The following FGD3 variants were observed in gnomAD, a reference collection of about 807,000 sequenced individuals.
FGD3 encodes the protein FYVE, RhoGEF and PH domain containing 3, also known as FYVE, RhoGEF and PH domain-containing protein 3.
FGD3 carries 45 observed loss-of-function variants against 71.8 expected under a neutral mutation model. The ratio of observed to expected loss-of-function variants is 0.63; its 90% confidence interval spans 0.49 to 0.80. The LOEUF (loss-of-function observed/expected upper bound fraction) is 0.80. FGD3 is among the 30% of genes least tolerant of loss of function. The pLI is 0.00. For missense variants in FGD3, 844 were observed against 951.5 expected, an observed-to-expected ratio of 0.89 and a Z score of 1.49; for synonymous variants, 378 against 392.8, an observed-to-expected ratio of 0.96 and a Z score of 0.44.
chr9:92,984,529 G>T (rs1860119065), intron 3 of FGD3, among the ~76,000 whole-genome samples: 1 of 152,142 alleles, frequency 6.6e-6, no homozygotes, highest in Non-Finnish European at 1.5e-5. Flanking sequence ...TTAGATTTTT[G>T]CTAGGGTTTG....
intron 15 of FGD3, among the ~76,000 whole-genome samples, chr9:93,031,303 T>C (rs1006543960): frequency 6.6e-6 from 1 of 152,214 alleles, no homozygotes; most frequent in African/African-American, 2.4e-5. Flanking sequence ...TCAGAATACA[T>C]GCCCAGGTCC....
chr9:92,952,593 A>G (rs1858975373), intron 1 of FGD3, among the ~76,000 whole-genome samples: 1 of 151,482 alleles, frequency 6.6e-6, no homozygotes, highest in African/African-American at 2.4e-5. Flanking sequence ...CTACCCTCCA[A>G]TCCTAAGGCC....
At chr9:92,953,337 T>C (rs895464258) in intron 1 of FGD3, among the ~76,000 whole-genome samples, 1 of 152,176 alleles carries the variant, frequency 6.6e-6, no homozygotes, top group Non-Finnish European at 1.5e-5. Flanking sequence ...AATGTTATCA[T>C]AGCCAACTGC....
chr9:93,023,795 CTTTTTTTTTTTTT>C (rs569058583), intron 14 of FGD3, among the ~76,000 whole-genome samples: 1 of 107,672 alleles, frequency 9.3e-6, no homozygotes, highest in Non-Finnish European at 1.8e-5. Flanking sequence ...CCATCAGCAA[CTTTTTTTTTTTTT>C]TTTTTTTTTT....
chr9:93,030,154 C>A (rs1262015479), intron 15 of FGD3, among the ~76,000 whole-genome samples, 158 bp downstream of exon 15: 1 of 152,172 alleles, frequency 6.6e-6, no homozygotes, highest in Non-Finnish European at 1.5e-5. Context: ...CCCTTGAGTG[C>A]AAAACTGTCC....
At chr9:93,004,364 G>A (rs557395346) in intron 5 of FGD3, among the ~76,000 whole-genome samples, 4 of 152,326 alleles carry the variant, frequency 2.6e-5, no homozygotes, top group East Asian at 1.9e-4. Context: ...CAGATGATGC[G>A]GAATGAAGGG....
At chr9:92,973,522 C>A (rs540765498) in intron 1 of FGD3, among the ~76,000 whole-genome samples, 377 of 152,288 alleles carry the variant, frequency 2.5e-3, no homozygotes, top group Non-Finnish European at 4.4e-3. Flanking sequence ...TTCAAGGATG[C>A]AGTTGGGTAA....
chr9:93,035,739 CTG>C lies in FGD3; in HGVS notation c.*151_*152del. 8.1e-7 allele frequency: 1 copy of C among 1,236,954 alleles called. No homozygotes were observed. The highest frequency in any genetic ancestry group is 1.1e-6 in the Non-Finnish European group (1 of 928,862). 76.6% of individuals were successfully genotyped at this position (1,236,954 alleles called of 1,614,324 possible). On this transcript the variant is annotated 3_prime_UTR_variant, in exon 18 of 18. Coordinates refer to ENST00000375482, the MANE Select transcript of FGD3 (RefSeq NM_001083536.2). ...ACACTTGGCTTTGGGGGGAAGGAAA[CTG>C]AGGCCCAGAGAGGGGCAACCACTGG...
At chr9:92,989,662 T>A (rs1295087792) in intron 3 of FGD3, among the ~76,000 whole-genome samples, 2 of 152,316 alleles carry the variant, frequency 1.3e-5, no homozygotes, top group East Asian at 3.9e-4. Flanking sequence ...ATCCACATGT[T>A]GCAAGAGAAA....
chr9:93,035,694 C>T lies in FGD3; in HGVS notation c.*105C>T. 7.6e-6 allele frequency: 11 copies of T among 1,439,138 alleles called. No individual in the cohort carries two copies. Among genetic ancestry groups the T allele is most frequent in the Non-Finnish European group, 1.0e-5 (11 of 1,088,952 alleles). 89.1% of individuals were successfully genotyped at this position (1,439,138 alleles called of 1,614,324 possible). On this transcript the variant is annotated 3_prime_UTR_variant, in exon 18 of 18. Transcript: ENST00000375482. Reference sequence around the variant, plus strand: ...AGCGCCCTGGACTGCTGAGGGTGGGCCAACAGCCCAGAGCTCAGGACACTT... The same window carrying T: ...AGCGCCCTGGACTGCTGAGGGTGGGTCAACAGCCCAGAGCTCAGGACACTT...
In FGD3 at chr9:93,032,828, C is replaced by T; in HGVS notation, c.1740C>T (p.Cys580=). Residue 580 remains cysteine (C), a synonymous_variant, in exon 16 of 18, where the codon TGC becomes TGT. Transcript: ENST00000375482. ...AGAACAGCCGGCAGAGCCGTGTCTG[C>T]AGAGATTGTTTCCTGACACAGCCAG... ...KAENSRQSRV[C]RDCFLTQPVA... is the part of the protein sequence containing the mutation. 3 of 1,614,146 alleles carry T rather than the reference C, an allele frequency of 1.9e-6. No individual in the cohort carries two copies. The highest frequency in any genetic ancestry group is 2.5e-6 in the Non-Finnish European group (3 of 1,180,024).
chr9:92,984,417 T>C (rs1366860677), intron 3 of FGD3, among the ~76,000 whole-genome samples: 1 of 152,246 alleles, frequency 6.6e-6, no homozygotes, highest in Non-Finnish European at 1.5e-5. Flanking sequence ...TAGGAAGTTA[T>C]GGTTTATACT....
chr9:93,023,872 G>A (rs1198819782), intron 14 of FGD3, among the ~76,000 whole-genome samples: 1 of 141,238 alleles, frequency 7.1e-6, no homozygotes. Context: ...CACAATCTCA[G>A]CTCACTGCAA....
chr9:92,957,429 T>C (rs568509406), intron 1 of FGD3, among the ~76,000 whole-genome samples: 1 of 152,198 alleles, frequency 6.6e-6, no homozygotes, highest in Non-Finnish European at 1.5e-5. Context: ...CATTCCTCAG[T>C]GTGGTTTTTA....
intron 15 of FGD3, chr9:93,032,530 G>A (rs1031778592): frequency 1.5e-4 from 78 of 521,750 alleles, no homozygotes; most frequent in Middle Eastern, 5.2e-4. Flanking sequence ...CAAGACTCCT[G>A]GACTCTGGAC....
intron 16 of FGD3, chr9:93,033,775 G>A (rs1312286375): frequency 1.3e-5 from 2 of 152,314 alleles, no homozygotes; most frequent in African/African-American, 2.4e-5. Context: ...AGGTGATCGG[G>A]GGGTCAGTGT....
At position 93,003,060 on chromosome 9, in the gene FGD3, G is replaced by A. The variant is rs1860918725; in HGVS notation, c.543+46G>A. The A allele has an allele frequency of 6.4e-7, 1 of 1,563,214 alleles. No individual in the cohort carries two copies. The highest frequency in any genetic ancestry group is 8.8e-7 in the Non-Finnish European group (1 of 1,134,116). On this transcript the variant is annotated intron_variant, in intron 4 of 17. Coordinates refer to ENST00000375482, the MANE Select transcript of FGD3 (RefSeq NM_001083536.2). This position sits in a 1 kb window ranked among gnomAD's most constrained non-coding sequence, Gnocchi z 4.1. ...GCAGTTTCAGTATCTCTTAGCATTG[G>A]CTGGGCATTATAGGTGCAGTGTGAA... is the stretch of plus-strand genomic sequence containing the variant.
At chr9:92,988,304 C>A (rs1366577599) in intron 3 of FGD3, among the ~76,000 whole-genome samples, 1 of 152,204 alleles carries the variant, frequency 6.6e-6, no homozygotes, top group Non-Finnish European at 1.5e-5. Flanking sequence ...CACCCCATTT[C>A]CCCAGTACCT....
intron 1 of FGD3, among the ~76,000 whole-genome samples, chr9:92,951,255 C>G (rs1858949724): frequency 6.6e-6 from 1 of 152,178 alleles, no homozygotes; most frequent in African/African-American, 2.4e-5. Context: ...TCCAGTAATT[C>G]TAAGTATTCC....
Sources: gnomAD v4.1 joint callset for allele counts (sites outside exome capture counted in the v4.1 genomes callset) on GRCh38, gnomAD v4.1.1 for gene constraint, Gnocchi (gnomAD v3.1) non-coding constraint, MANE v1.5 for transcripts, NCBI Gene and HGNC (gene_info 2026-07-23, HGNC 2026-07-21) for gene names.